CSMD1: variants seen among roughly 807,000 people sequenced by gnomAD.
CSMD1 encodes the protein CUB and sushi domain-containing protein 1.
Under a neutral mutation model 417.5 loss-of-function variants are expected in CSMD1, and 213 were observed. The observed-to-expected ratio is 0.51, with a 90% confidence interval of 0.46 to 0.57. The LOEUF (loss-of-function observed/expected upper bound fraction) is 0.57. CSMD1 is among the 20% of genes least tolerant of loss of function. The pLI, the probability that CSMD1 is intolerant of heterozygous loss-of-function variation, is 0.00. For missense variants in CSMD1, 6,923 were observed against 4,529.7 expected (o/e 1.53, Z -15.17); for synonymous variants, 2,862 against 1,736.8 (o/e 1.65, Z -16.11).
At chr8:4,889,171 T>C (rs763347563) in intron 1 of CSMD1, among the ~76,000 whole-genome samples, 10 of 152,162 alleles carry the variant, frequency 6.6e-5, no homozygotes, top group African/African-American at 1.4e-4. Flanking sequence ...TACTTTAAGG[T>C]GGAGAATACT....
intron 12 of CSMD1, among the ~76,000 whole-genome samples, chr8:3,439,294 TATATATATATATATA>T (rs1404847186): frequency 6.2e-5 from 3 of 48,142 alleles, no homozygotes; most frequent in South Asian, 8.1e-4. Flanking sequence ...TATATATATA[TATATATATATATATA>T]TTTTTTTTTT....
rs551126319 is a variant in CSMD1 at position 3,460,113 on chromosome 8, G to C, written c.1561+8599C>G. On this transcript the variant is annotated intron_variant, in intron 12 of 69. Coordinates refer to ENST00000635120, the MANE Select transcript of CSMD1 (RefSeq NM_033225.6). ...AAGAAAGGCAATTAAACAATTGTTG[G>C]GATGGAGGCAGCTCAGGGTGGTATA... Among the ~76,000 whole-genome samples the C allele has an allele frequency of 3.6e-4, 55 of 152,060 alleles. 1 individual carries two copies. The highest frequency in any genetic ancestry group is 6.9e-4 in the Non-Finnish European group (47 of 68,032).
At chr8:3,409,981 C>A (rs1181210145) in intron 12 of CSMD1, among the ~76,000 whole-genome samples, 2 of 152,140 alleles carry the variant, frequency 1.3e-5, no homozygotes, top group East Asian at 3.9e-4. Context: ...TTGCTATAAA[C>A]AATACAAATA....
chr8:3,158,148 G>A (rs1819650175), intron 38 of CSMD1, among the ~76,000 whole-genome samples, 182 bp from the exon 39 acceptor site: 1 of 152,052 alleles, frequency 6.6e-6, no homozygotes, highest in African/African-American at 2.4e-5. Context: ...AACCAACATA[G>A]AAAAGTATCC....
rs1554471457 is a variant in CSMD1, at chr8:3,219,364, G to C, written c.4563C>G (p.Tyr1521Ter). The C allele has an allele frequency of 6.4e-7, 1 of 1,572,682 alleles. No homozygotes were observed. The highest frequency in any genetic ancestry group is 8.6e-7 in the Non-Finnish European group (1 of 1,158,076). Residue 1521 changes from tyrosine to a stop codon, truncating the protein, a stop_gained, in exon 29 of 70, where the codon TAC becomes TAG. Coordinates refer to ENST00000635120, the MANE Select transcript of CSMD1 (RefSeq NM_033225.6). LOFTEE classifies it high-confidence loss of function. Reference sequence around the variant, plus strand: ...TTCTTTCTGGGGCCTGAGAGCCCTGGTAACTCCCAATGAGGGGGCTGTTGG... The same window carrying C: ...TTCTTTCTGGGGCCTGAGAGCCCTGCTAACTCCCAATGAGGGGGCTGTTGG... The part of the protein sequence containing the change: ...EDSNSPLIGS[Y>*]QGSQAPERIE...
chr8:4,146,968 C>T lies in CSMD1; in HGVS notation c.416-114869G>A, dbSNP rs537553463. Among the ~76,000 whole-genome samples the T allele has an allele frequency of 1.8e-4, 28 of 152,072 alleles. 2 individuals are homozygous for T. The highest frequency in any genetic ancestry group is 5.8e-4 in the African/African-American group (24 of 41,454). On this transcript the variant is annotated intron_variant, in intron 3 of 69. Coordinates refer to ENST00000635120, the MANE Select transcript of CSMD1 (RefSeq NM_033225.6). ...CCTCACCGGCATCAGGCATCTTCAT[C>T]AGGTAAGAGCTCCGCCAGCACTTCC...
chr8:4,062,581 T>G (rs1169544317), intron 3 of CSMD1, among the ~76,000 whole-genome samples: 1 of 152,172 alleles, frequency 6.6e-6, no homozygotes, highest in Non-Finnish European at 1.5e-5. Flanking sequence ...ATAAAAGTTT[T>G]CAGTGATACG....
chr8:3,468,081 C>G (rs1816880956), intron 12 of CSMD1, among the ~76,000 whole-genome samples: 1 of 152,168 alleles, frequency 6.6e-6, no homozygotes, highest in African/African-American at 2.4e-5. Flanking sequence ...ATCCAAAGAT[C>G]ACAACTATAT....
intron 5 of CSMD1, among the ~76,000 whole-genome samples, chr8:3,762,263 C>G (rs1476744590): frequency 6.6e-6 from 1 of 152,078 alleles, no homozygotes; most frequent in Non-Finnish European, 1.5e-5. Context: ...ACCTGGAGAT[C>G]AGCAGAAATA....
chr8:4,587,393 GTATA>G (rs1563312195), intron 2 of CSMD1, among the ~76,000 whole-genome samples: 42 of 76,514 alleles, frequency 5.5e-4, no homozygotes, highest in African/African-American at 3.1e-3. Flanking sequence ...GTACATACAT[GTATA>G]TGTGGATATA....
chr8:3,587,509 C>G (rs1291790155), intron 8 of CSMD1, among the ~76,000 whole-genome samples: 1 of 128,170 alleles, frequency 7.8e-6, no homozygotes, highest in Non-Finnish European at 1.8e-5. Flanking sequence ...ATAGGGGAAA[C>G]ATAAATAGAT....
intron 1 of CSMD1, among the ~76,000 whole-genome samples, chr8:4,835,956 G>A (rs1800451886): frequency 6.6e-6 from 1 of 151,944 alleles, no homozygotes; most frequent in Non-Finnish European, 1.5e-5. Context: ...TTTATATTTT[G>A]AGAATTAATT....
chr8:3,755,718 G>A (rs1293785149), intron 5 of CSMD1, among the ~76,000 whole-genome samples: 1 of 152,030 alleles, frequency 6.6e-6, no homozygotes, highest in South Asian at 2.1e-4. Context: ...CCAACTCTCA[G>A]GTTTAAAAAT....
intron 1 of CSMD1, among the ~76,000 whole-genome samples, chr8:4,927,937 T>C (rs1806981936): frequency 6.6e-6 from 1 of 152,102 alleles, no homozygotes; most frequent in Admixed American, 6.6e-5. Flanking sequence ...TTTCTAAGTG[T>C]TTTCCACACT....
chr8:4,220,460 G>C (rs548636217), intron 3 of CSMD1, among the ~76,000 whole-genome samples: 234 of 152,308 alleles, frequency 1.5e-3, no homozygotes, highest in African/African-American at 5.6e-3. Flanking sequence ...GCAGTGAGAA[G>C]ACCTCATGCA....
intron 1 of CSMD1, among the ~76,000 whole-genome samples, chr8:4,816,157 G>A (rs1298250139): frequency 1.3e-5 from 2 of 151,948 alleles, no homozygotes; most frequent in Non-Finnish European, 2.9e-5. Context: ...TGCATGCTTT[G>A]GCTCAGGTTG....
chr8:3,479,688 C>G (rs1191082588), intron 11 of CSMD1, among the ~76,000 whole-genome samples: 4 of 152,078 alleles, frequency 2.6e-5, no homozygotes. Context: ...CAATACCTAA[C>G]ATGACACACA....
At chr8:3,136,458 T>C (rs566092997) in intron 41 of CSMD1, among the ~76,000 whole-genome samples, 2 of 151,724 alleles carry the variant, frequency 1.3e-5, no homozygotes, top group African/African-American at 4.8e-5. Context: ...AGAAACGGGG[T>C]TTCACCATGT....
At chr8:3,254,356 G>C (rs928398327) in intron 26 of CSMD1, among the ~76,000 whole-genome samples, 2 of 152,032 alleles carry the variant, frequency 1.3e-5, no homozygotes, top group African/African-American at 2.4e-5. Context: ...ATGTGTCTTA[G>C]AGTTACTCTT....
Sources: allele counts gnomAD v4.1 joint callset (sites outside exome capture counted in the v4.1 genomes callset), GRCh38; gene constraint gnomAD v4.1.1; transcripts MANE v1.5; gene names NCBI Gene and HGNC (gene_info 2026-07-23, HGNC 2026-07-21).